Variants in OR56A3 observed in about 807,000 individuals in gnomAD.
OR56A3 encodes olfactory receptor 56A3.
Under a neutral mutation model 17.5 loss-of-function variants are expected in OR56A3, and 23 were observed. The observed-to-expected ratio is 1.32, with a 90% CI of 0.95 to 1.87. OR56A3 has a LOEUF of 1.87. Among genes scored for constraint, OR56A3 ranks in the 40% most tolerant of loss-of-function variants. The pLI is 0.00. For missense variants in OR56A3, 366 were observed against 380.1 expected (o/e 0.96, Z 0.31); for synonymous variants, 175 against 150.6 (o/e 1.16, Z -1.19).
chr11:5,996,963 G>C, the OR56A3 span, among the ~76,000 whole-genome samples: 1 of 152,214 alleles, frequency 6.6e-6, no homozygotes, highest in Non-Finnish European at 1.5e-5. Context: ...GGAAGCCCAG[G>C]AGGGAGAAAT....
chr11:6,007,546 A>C, the OR56A3 span, among the ~76,000 whole-genome samples: 7 of 152,188 alleles, frequency 4.6e-5, no homozygotes, highest in Non-Finnish European at 8.8e-5. Context: ...TGTGTATCAA[A>C]ACATCACTTT....
In OR56A3 at chr11:5,947,499, G is replaced by A. The variant is rs1163758080; in HGVS notation, c.153G>A (p.Met51Ile). The change falls in exon 3 of 3, where the codon ATG (methionine) becomes ATA (isoleucine). Residue 51 changes from methionine (M) to isoleucine (I), a missense_variant. Physicochemically the swap from Met to Ile is conservative, Grantham distance 10. Transcript: ENST00000641160. Reference protein sequence around the residue: ...LAVGANTTLLMTIWLEASLHQ... With the variant: ...LAVGANTTLLITIWLEASLHQ... ...TAGGGGCCAACACCACCCTCCTGAT[G>A]ACCATCTGGCTGGAGGCCTCTCTGC... 3 of 1,613,852 alleles carry A rather than the reference G, an allele frequency of 1.9e-6. No homozygotes were observed. The highest frequency in any genetic ancestry group is 2.2e-5 in the South Asian group (2 of 91,050).
At chr11:6,011,652 C>T in the OR56A3 span, among the ~76,000 whole-genome samples, 1 of 152,068 alleles carries the variant, frequency 6.6e-6, no homozygotes, top group Admixed American at 6.5e-5. Flanking sequence ...GCCAGTGGTG[C>T]CTTTGCCTGA....
chr11:5,967,490 C>T, the OR56A3 span: 1 of 1,195,290 alleles, frequency 8.4e-7, no homozygotes, highest in Non-Finnish European at 1.2e-6. Flanking sequence ...TTCTATGCAT[C>T]ATAACAATTA....
chr11:5,968,048 G>A, the OR56A3 span: 2 of 1,606,508 alleles, frequency 1.2e-6, no homozygotes, highest in African/African-American at 2.7e-5. Flanking sequence ...CCACAACAAA[G>A]ATGGCAGCCC....
chr11:5,975,479 T>C, the OR56A3 span, among the ~76,000 whole-genome samples: 1 of 151,348 alleles, frequency 6.6e-6, no homozygotes, highest in Non-Finnish European at 1.5e-5. Flanking sequence ...GTCCTTGCGA[T>C]AGTTTGCTGA....
chr11:5,974,472 GGTACA>G, the OR56A3 span, among the ~76,000 whole-genome samples: 1 of 152,186 alleles, frequency 6.6e-6, no homozygotes, highest in Admixed American at 6.5e-5. Flanking sequence ...TATTGTAAAT[GGTACA>G]GTAGTTAGTA....
chr11:5,985,500 T>C, the OR56A3 span, among the ~76,000 whole-genome samples: 2 of 152,186 alleles, frequency 1.3e-5, no homozygotes, highest in Non-Finnish European at 2.9e-5. Flanking sequence ...ACCCTATTGG[T>C]AAACAGGAGC....
the OR56A3 span, among the ~76,000 whole-genome samples, chr11:5,993,022 C>T: frequency 2.6e-5 from 4 of 152,068 alleles, no homozygotes; most frequent in African/African-American, 7.2e-5. Context: ...CTGGGAAGTT[C>T]GGGAAAGCCC....
rs947390469 is a variant in OR56A3 at position 5,949,316 on chromosome 11, A to G, written c.*1022A>G. On this transcript the variant is annotated 3_prime_UTR_variant, in exon 3 of 3. Transcript: ENST00000641160. ...CATTCTTCTAAACTGTAGAGCAGTG[A>G]GGAATGGGATAAAAGATATGTATGG... 2.0e-5 allele frequency: 3 copies of G among 152,210 alleles called. No homozygotes were observed. Among genetic ancestry groups the G allele is most frequent in the Admixed American group, 6.5e-5 (1 of 15,276 alleles). The allele number at this position is 152,210 out of a possible 1,614,324, so 9.4% of individuals were successfully genotyped here.
intron 2 of OR56A3, 28 bp from the exon 3 acceptor site, chr11:5,947,283 C>A: frequency 7.2e-7 from 1 of 1,397,062 alleles, no homozygotes; most frequent in Non-Finnish European, 9.7e-7. Flanking sequence ...CAAGAATCCA[C>A]AGCTAGTTTG....
chr11:5,996,278 T>C, the OR56A3 span, among the ~76,000 whole-genome samples: 1 of 152,208 alleles, frequency 6.6e-6, no homozygotes, highest in Non-Finnish European at 1.5e-5. Context: ...TGTGGCTGAA[T>C]AGTATAGCAA....
the OR56A3 span, among the ~76,000 whole-genome samples, chr11:5,975,071 T>C: frequency 6.6e-6 from 1 of 152,350 alleles, no homozygotes; most frequent in South Asian, 2.1e-4. Context: ...TCCACTAATA[T>C]GTATTTTTTT....
chr11:5,947,709 C>T lies in OR56A3; in HGVS notation c.363C>T (p.Val121=), dbSNP rs747340595. The T allele has an allele frequency of 2.2e-5, 36 of 1,614,068 alleles. No individual in the cohort carries two copies. The Admixed American group carries it at 6.0e-4, about 27-fold the overall frequency. Residue 121 remains valine, a synonymous_variant, in exon 3 of 3, where the codon GTC becomes GTT. Coordinates refer to ENST00000641160, the MANE Select transcript of OR56A3 (RefSeq NM_001003443.3). ...CCATGGAGTCTTGCACATTCATGGT[C>T]ATGGCCTATGATCGTTATGTAGCCA... ...FLAMESCTFM[V]MAYDRYVAIC...
the OR56A3 span, among the ~76,000 whole-genome samples, chr11:6,016,144 T>C: frequency 0.3 from 45,620 of 151,894 alleles, 8,037 homozygotes; most frequent in East Asian, 0.78. Context: ...GTAAATATTA[T>C]CATGAGATAT....
At chr11:5,996,391 T>G in the OR56A3 span, among the ~76,000 whole-genome samples, 1 of 152,168 alleles carries the variant, frequency 6.6e-6, no homozygotes, top group Non-Finnish European at 1.5e-5. Context: ...AGTTCCCAGC[T>G]TAGCTCCTCA....
At chr11:5,998,060 A>G in the OR56A3 span, among the ~76,000 whole-genome samples, 2 of 152,212 alleles carry the variant, frequency 1.3e-5, no homozygotes, top group East Asian at 3.8e-4. Context: ...GAGGATGCTG[A>G]GACACAATCC....
At chr11:5,992,837 C>T in the OR56A3 span, among the ~76,000 whole-genome samples, 6 of 152,138 alleles carry the variant, frequency 3.9e-5, no homozygotes, top group African/African-American at 1.4e-4. Flanking sequence ...GCGAAGCTTC[C>T]CACTCCACCT....
the OR56A3 span, among the ~76,000 whole-genome samples, chr11:5,966,565 A>G: frequency 1.3e-5 from 2 of 152,142 alleles, no homozygotes; most frequent in Non-Finnish European, 2.9e-5. Context: ...ATTGGTCAGT[A>G]TATAGGTCCT....
Sources: gnomAD v4.1 joint callset for allele counts (sites outside exome capture counted in the v4.1 genomes callset) on GRCh38, gnomAD v4.1.1 for gene constraint, MANE v1.5 for transcripts, NCBI Gene and HGNC (gene_info 2026-07-23, HGNC 2026-07-21) for gene names.